SGCZ: variants seen among roughly 807,000 people sequenced by gnomAD.
SGCZ encodes zeta-sarcoglycan.
Under a neutral mutation model 41.3 loss-of-function variants are expected in SGCZ, and 40 were observed. That is an observed-to-expected ratio of 0.97 (90% CI 0.75 to 1.26). The LOEUF (loss-of-function observed/expected upper bound fraction) is 1.26. Ranked by LOEUF, SGCZ falls within the 50% of genes most tolerant of loss-of-function variation. The pLI is 0.00. For missense variants in SGCZ, 552 were observed against 369.8 expected, an observed-to-expected ratio of 1.49 and a Z score of -4.04; for synonymous variants, 206 against 137.5, an observed-to-expected ratio of 1.50 and a Z score of -3.49.
At chr8:14,476,309 G>C (rs1585565879) in intron 2 of SGCZ, among the ~76,000 whole-genome samples, 1 of 151,918 alleles carries the variant, frequency 6.6e-6, no homozygotes. Flanking sequence ...GCAGAAGATG[G>C]GTTCTCCAGC....
intron 1 of SGCZ, among the ~76,000 whole-genome samples, chr8:14,792,074 T>C (rs560952079): frequency 6.4e-4 from 98 of 152,316 alleles, no homozygotes; most frequent in African/African-American, 2.3e-3. Flanking sequence ...CAGGAAACAC[T>C]GCATTAAGCC....
intron 5 of SGCZ, among the ~76,000 whole-genome samples, chr8:14,132,214 A>G (rs1027849858): frequency 6.6e-6 from 1 of 151,874 alleles, no homozygotes; most frequent in South Asian, 2.1e-4. Flanking sequence ...TTTTTCTTCT[A>G]CCTGCTTAAA....
At chr8:15,107,697 T>G (rs982539300) in intron 1 of SGCZ, among the ~76,000 whole-genome samples, 1 of 152,176 alleles carries the variant, frequency 6.6e-6, no homozygotes, top group Non-Finnish European at 1.5e-5. Flanking sequence ...CCTCAGGTAT[T>G]CAGTTACAGC....
intron 3 of SGCZ, among the ~76,000 whole-genome samples, chr8:14,246,805 G>A (rs1448646025): frequency 1.3e-5 from 2 of 150,486 alleles, no homozygotes; most frequent in African/African-American, 4.9e-5. Context: ...AGCTACTCGG[G>A]AGGCTGAGGC....
At chr8:15,127,822 GAAACCTAAAAGAACCTA>G (rs1372322385) in intron 1 of SGCZ, among the ~76,000 whole-genome samples, 2 of 152,124 alleles carry the variant, frequency 1.3e-5, no homozygotes. Flanking sequence ...CCAAAGGAGA[GAAACCTAAAAGAACCTA>G]ATTTTTACAT....
At chr8:14,311,448 C>T (rs1801540946) in intron 3 of SGCZ, among the ~76,000 whole-genome samples, 1 of 152,104 alleles carries the variant, frequency 6.6e-6, no homozygotes. Flanking sequence ...GAGTCAGTTA[C>T]ATTTACACAG....
At chr8:15,093,049 T>C (rs929743625) in intron 1 of SGCZ, among the ~76,000 whole-genome samples, 3 of 152,200 alleles carry the variant, frequency 2.0e-5, no homozygotes, top group Admixed American at 2.0e-4. Flanking sequence ...TGAAAGTGTC[T>C]AGTCCATTAT....
rs187135102 is a variant in SGCZ, at chr8:14,427,821, C to T, written c.235-103617G>A. On this transcript the variant is annotated intron_variant, in intron 2 of 7. Transcript: ENST00000382080. The stretch of plus-strand genomic sequence containing the variant: ...TAAGCCACACAGTTGGCCCTACTTA[C>T]TCATGGGTTCAGCAGATTCAACCAA... Among the ~76,000 whole-genome samples the T allele has an allele frequency of 3.3e-5, 5 of 152,220 alleles. No individual in the cohort carries two copies. In the East Asian group the frequency reaches 7.7e-4, roughly 24 times the overall value.
intron 2 of SGCZ, among the ~76,000 whole-genome samples, chr8:14,402,009 G>A (rs920864913): frequency 2.0e-5 from 3 of 152,010 alleles, no homozygotes; most frequent in East Asian, 1.9e-4. Context: ...ATCTCATTGT[G>A]GTTTTGATTT....
chr8:14,782,897 T>C (rs748228208), intron 1 of SGCZ, among the ~76,000 whole-genome samples: 7 of 152,214 alleles, frequency 4.6e-5, no homozygotes, highest in Admixed American at 6.5e-5. Flanking sequence ...TCATCTAATC[T>C]AGAAATAAGA....
In SGCZ at chr8:14,259,018, C is replaced by T. The variant is rs146880320; in HGVS notation, c.337-21339G>A. On this transcript the variant is annotated intron_variant, in intron 3 of 7. Transcript: ENST00000382080. ...ACATCATATATTTAGCTGTGTCTTC[C>T]TGTTTGATTCCAAAACGTGCTAAAA... Among the ~76,000 whole-genome samples, 14 of 152,260 alleles carry T rather than the reference C, an allele frequency of 9.2e-5. No homozygotes were observed. The East Asian group carries it at 2.7e-3, about 29-fold the overall frequency.
chr8:14,309,505 G>A (rs1801457292), intron 3 of SGCZ: 5 of 1,608,836 alleles, frequency 3.1e-6, no homozygotes, highest in Non-Finnish European at 4.2e-6. Context: ...ATTGTGATAA[G>A]AGAGCAGTGT....
intron 2 of SGCZ, among the ~76,000 whole-genome samples, chr8:14,473,877 G>T (rs571439616): frequency 1.9e-4 from 29 of 150,832 alleles, no homozygotes; most frequent in Admixed American, 1.9e-3. Context: ...GACAGAGCTT[G>T]CAGTGAGCCA....
chr8:14,784,903 A>AAAAAG (rs3069675), intron 1 of SGCZ, among the ~76,000 whole-genome samples: 13 of 9,042 alleles, frequency 1.4e-3, no homozygotes, highest in African/African-American at 6.0e-3. Context: ...ACTCTGCCTC[A>AAAAAG]AAAAAAAAAA....
intron 1 of SGCZ, among the ~76,000 whole-genome samples, chr8:14,668,996 A>G (rs1364949823): frequency 6.6e-6 from 1 of 151,964 alleles, no homozygotes; most frequent in Non-Finnish European, 1.5e-5. Context: ...AATTTCAAGT[A>G]TACAATAAAA....
chr8:14,440,472 G>A (rs146788858), intron 2 of SGCZ, among the ~76,000 whole-genome samples: 4 of 151,906 alleles, frequency 2.6e-5, no homozygotes, highest in Middle Eastern at 3.4e-3. Context: ...AGTTTCCATC[G>A]TTTCCTGTGT....
At chr8:14,196,737 T>C (rs1429991639) in intron 4 of SGCZ, among the ~76,000 whole-genome samples, 2 of 152,114 alleles carry the variant, frequency 1.3e-5, no homozygotes, top group Admixed American at 6.6e-5. Flanking sequence ...TGCTGCAACA[T>C]TGATGCACCT....
chr8:15,095,697 C>A (rs1261808191), intron 1 of SGCZ, among the ~76,000 whole-genome samples: 1 of 152,246 alleles, frequency 6.6e-6, no homozygotes, highest in Middle Eastern at 3.4e-3. Context: ...CCTTTACCCC[C>A]ACACCTGAAG....
chr8:14,309,384 G>T lies in SGCZ; in HGVS notation c.336+14719C>A, dbSNP rs763776769. Reference sequence around the variant, plus strand: ...CTAATTACATTGAACAGTCAGCAGAGACGAAGTGACCTCGATCGCTTTTGG... The same window carrying T: ...CTAATTACATTGAACAGTCAGCAGATACGAAGTGACCTCGATCGCTTTTGG... On this transcript the variant is annotated intron_variant, in intron 3 of 7. Coordinates refer to ENST00000382080, the MANE Select transcript of SGCZ (RefSeq NM_139167.4). The T allele has an allele frequency of 8.1e-6, 13 of 1,605,218 alleles. No homozygotes were observed. In the South Asian group the frequency reaches 1.3e-4, roughly 16 times the overall value.
Sources: allele counts gnomAD v4.1 joint callset (sites outside exome capture counted in the v4.1 genomes callset), GRCh38; gene constraint gnomAD v4.1.1; transcripts MANE v1.5; gene names NCBI Gene and HGNC (gene_info 2026-07-23, HGNC 2026-07-21).